Variants in SLC24A5 observed in about 807,000 individuals in gnomAD.
SLC24A5 encodes sodium/potassium/calcium exchanger 5.
SLC24A5 carries 46 observed loss-of-function variants against 51.6 expected under a neutral mutation model. That is an observed-to-expected ratio of 0.89 (90% CI 0.70 to 1.14). SLC24A5 has a LOEUF of 1.14. Among genes scored for constraint, SLC24A5 ranks in the 50% most tolerant of loss-of-function variants. The pLI, the probability that SLC24A5 is intolerant of heterozygous loss-of-function variation, is 0.00. For synonymous variants in SLC24A5, 230 were observed against 214.9 expected, an observed-to-expected ratio of 1.07 and a Z score of -0.62; for missense variants, 581 against 604.1, an observed-to-expected ratio of 0.96 and a Z score of 0.40.
chr15:48,122,459 TAAAC>T, intron 2 of SLC24A5: 1 of 227,358 alleles, frequency 4.4e-6, no homozygotes, highest in Non-Finnish European at 8.5e-6. Flanking sequence ...TAAAAAGTGA[TAAAC>T]AAATGCAATT....
intron 6 of SLC24A5, chr15:48,137,473 G>A (rs932752002): frequency 6.6e-6 from 1 of 152,160 alleles, no homozygotes; most frequent in Admixed American, 6.6e-5. Flanking sequence ...ATCTTGGAAG[G>A]TTTCTGAGGA....
chr15:48,139,104 T>C lies in SLC24A5; in HGVS notation c.1007T>C (p.Ile336Thr), dbSNP rs1194983036. The part of the protein sequence containing the change: ...RKKFWKNYFV[I>T]TFFMSAIWIS... ...AAGTTTTGGAAAAACTACTTTGTGA[T>C]AACCTTTTTCATGTCTGCAATATGG... The change falls in exon 7 of 9, where the codon ATA becomes ACA. Residue 336 changes from isoleucine to threonine, a missense_variant. Physicochemically the swap from Ile to Thr is moderately conservative, Grantham distance 89. Transcript: ENST00000341459. 1.2e-6 allele frequency: 2 copies of C among 1,613,106 alleles called. No individual in the cohort carries two copies. Among genetic ancestry groups the C allele is most frequent in the African/African-American group, 2.7e-5 (2 of 74,912 alleles).
chr15:48,134,185 A>G lies in SLC24A5; in HGVS notation c.302-73A>G, dbSNP rs140652203. The G allele has an allele frequency of 1.3e-3, 1,588 of 1,204,206 alleles. 4 individuals are homozygous for G. The highest frequency in any genetic ancestry group is 1.6e-3 in the Non-Finnish European group (1,295 of 815,600). 74.6% of individuals were successfully genotyped at this position (1,204,206 alleles called of 1,614,324 possible). On this transcript the variant is annotated intron_variant, in intron 2 of 8. Coordinates refer to ENST00000341459, the MANE Select transcript of SLC24A5 (RefSeq NM_205850.3). ...TTTATGTGAAGCTGTAGCTTTGAGT[A>G]TCTATTGTGTTTAGTTGTAAAGACA...
intron 2 of SLC24A5, among the ~76,000 whole-genome samples, chr15:48,132,228 G>A (rs930146583): frequency 3.9e-5 from 6 of 152,084 alleles, no homozygotes; most frequent in African/African-American, 1.4e-4. Context: ...TTTAGCCCAG[G>A]CATACAAATG....
At position 48,125,581 on chromosome 15, in the gene SLC24A5, C is replaced by T. The variant is rs182475173; in HGVS notation, c.301+3545C>T. ...TTACAAGAAATTTTCCTCTCGAGAGCACTGAAAATTTTGACAAAAAAATAT... is the reference window on the plus strand; with the variant it reads ...TTACAAGAAATTTTCCTCTCGAGAGTACTGAAAATTTTGACAAAAAAATAT... On this transcript the variant is annotated intron_variant, in intron 2 of 8. Coordinates refer to ENST00000341459, the MANE Select transcript of SLC24A5 (RefSeq NM_205850.3). Among the ~76,000 whole-genome samples, 162 of 152,220 alleles carry T rather than the reference C, an allele frequency of 1.1e-3. 2 individuals carry two copies. In the South Asian group the frequency reaches 0.017, roughly 16 times the overall value.
intron 2 of SLC24A5, among the ~76,000 whole-genome samples, chr15:48,128,639 A>G (rs2038757035): frequency 6.6e-6 from 1 of 152,168 alleles, no homozygotes; most frequent in African/African-American, 2.4e-5. Context: ...TTACAGAAGC[A>G]AAAGCTTTAC....
chr15:48,134,177 C>CT (rs1305135471), intron 2 of SLC24A5, 81 bp from the exon 3 acceptor site: 22 of 1,145,588 alleles, frequency 1.9e-5, no homozygotes, highest in African/African-American at 6.4e-5. Flanking sequence ...GAAGCTGTAG[C>CT]TTTGAGTATC....
At position 48,142,351 on chromosome 15, in the gene SLC24A5, A is replaced by G. The variant is rs925677408; in HGVS notation, c.1503A>G (p.Ter501TrpextTer3). ...GNNKIRGCGG* is the reference protein window; with the variant it reads ...GNNKIRGCGGW ...ATAAAATAAGGGGCTGTGGAGGTTGATATTATTAATAGTGTTATGCAGAAA... is the reference window on the plus strand; with the variant it reads ...ATAAAATAAGGGGCTGTGGAGGTTGGTATTATTAATAGTGTTATGCAGAAA... Residue 501 changes from the stop codon to tryptophan (W), a stop_lost, in exon 9 of 9, where the codon TGA becomes TGG. Coordinates refer to ENST00000341459, the MANE Select transcript of SLC24A5 (RefSeq NM_205850.3). 2 of 1,574,372 alleles carry G rather than the reference A, an allele frequency of 1.3e-6. No individual in the cohort carries two copies. Among genetic ancestry groups the G allele is most frequent in the Admixed American group, 1.8e-5 (1 of 56,242 alleles).
At chr15:48,135,280 C>T (rs992245458) in intron 5 of SLC24A5, 1 of 238,010 alleles carries the variant, frequency 4.2e-6, no homozygotes, top group African/African-American at 2.3e-5. Flanking sequence ...CTCCTGTTGT[C>T]CATTAAAGCC....
intron 3 of SLC24A5, 36 bp downstream of exon 3, chr15:48,134,377 T>C: frequency 6.2e-7 from 1 of 1,611,044 alleles, no homozygotes; most frequent in African/African-American, 1.3e-5. Flanking sequence ...GCTTACTCAG[T>C]GTGATTTTTA....
chr15:48,141,078 T>C, intron 7 of SLC24A5, 35 bp from the exon 8 acceptor site: 1 of 1,537,780 alleles, frequency 6.5e-7, no homozygotes, highest in Non-Finnish European at 9.0e-7. Context: ...AGTGAATCTT[T>C]AAGATTTGTA....
chr15:48,142,580 A>T lies in SLC24A5; in HGVS notation c.*229A>T. The T allele has an allele frequency of 2.2e-6, 1 of 461,956 alleles. No individual in the cohort carries two copies. Among genetic ancestry groups the T allele is most frequent in the South Asian group, 4.4e-5 (1 of 22,684 alleles). The allele number at this position is 461,956 out of a possible 1,614,324, so 28.6% of individuals were successfully genotyped here. On this transcript the variant is annotated 3_prime_UTR_variant, in exon 9 of 9. Transcript: ENST00000341459. ...GGGGGGAAAAAATCTATGTTTTACC[A>T]TACAATAAGTTGACAAAAACTGGAG... is the stretch of plus-strand genomic sequence containing the variant.
chr15:48,136,640 G>T, intron 5 of SLC24A5, 43 bp from the exon 6 acceptor site: 1 of 1,538,432 alleles, frequency 6.5e-7, no homozygotes, highest in South Asian at 1.3e-5. Context: ...ACTCTAAAAT[G>T]ACTTTCACTT....
intron 7 of SLC24A5, chr15:48,140,232 T>C (rs184601169): frequency 3.3e-5 from 5 of 152,140 alleles, no homozygotes; most frequent in Non-Finnish European, 7.4e-5. Flanking sequence ...GCCCCCAAGA[T>C]GATAAATATT....
At chr15:48,124,167 TC>T (rs2038708009) in intron 2 of SLC24A5, 1 of 152,156 alleles carries the variant, frequency 6.6e-6, no homozygotes, top group Non-Finnish European at 1.5e-5. Flanking sequence ...TTTATGGTTC[TC>T]CTTTTGGTTT....
intron 5 of SLC24A5, 57 bp downstream of exon 5, chr15:48,135,041 T>C: frequency 2.2e-6 from 3 of 1,363,832 alleles, no homozygotes; most frequent in Non-Finnish European, 3.1e-6. Context: ...TTTCTGATGG[T>C]TCAGTAATTT....
In SLC24A5 at chr15:48,136,941, T is replaced by C. The variant is rs754321211; in HGVS notation, c.849T>C (p.His283=). The C allele has an allele frequency of 5.6e-6, 9 of 1,612,802 alleles. No individual in the cohort carries two copies. Among genetic ancestry groups the C allele is most frequent in the African/African-American group, 1.3e-5 (1 of 74,902 alleles). ...ACTCTCAGCTCTCTATAAGTTTACA[T>C]GGCCTTAGTCAGGTTTCTGAAGGTA... ...SGYSQLSISL[H]GLSQVSEDPP... Residue 283 remains histidine (H), a synonymous_variant, in exon 6 of 9, where the codon CAT becomes CAC. Transcript: ENST00000341459.
Position 48,142,639 on chromosome 15 carries a change from T to A in SLC24A5, c.*288T>A, listed in dbSNP as rs2039130689. ...ACAAACAAATCCAACTATGTAGTACTGAAAACAACAAGAAAATGGCTTATT... is the reference window on the plus strand; with the variant it reads ...ACAAACAAATCCAACTATGTAGTACAGAAAACAACAAGAAAATGGCTTATT... On this transcript the variant is annotated 3_prime_UTR_variant, in exon 9 of 9. Transcript: ENST00000341459. 1 of 448,452 alleles carries A rather than the reference T, an allele frequency of 2.2e-6. No homozygotes were observed. The highest frequency in any genetic ancestry group is 2.0e-5 in the African/African-American group (1 of 49,020). The allele number at this position is 448,452 out of a possible 1,614,324, so 27.8% of individuals were successfully genotyped here.
chr15:48,138,286 A>AT, intron 6 of SLC24A5: 1 of 152,080 alleles, frequency 6.6e-6, no homozygotes, highest in East Asian at 1.9e-4. Context: ...TTGAATTCGA[A>AT]TTTTTATCCA....
Sources: gnomAD v4.1 joint callset for allele counts (sites outside exome capture counted in the v4.1 genomes callset) on GRCh38, gnomAD v4.1.1 for gene constraint, MANE v1.5 for transcripts, NCBI Gene and HGNC (gene_info 2026-07-23, HGNC 2026-07-21) for gene names.